The following ZYG11B variants were observed in gnomAD, a reference collection of about 807,000 sequenced individuals.
ZYG11B encodes protein zyg-11 homolog B.
In ZYG11B, 36 loss-of-function variants were observed where a neutral mutation model predicts 82.4. That is an observed-to-expected ratio of 0.44 (90% confidence interval 0.33 to 0.58). ZYG11B has a LOEUF of 0.58. ZYG11B is among the 20% of genes least tolerant of loss of function. The probability of loss-of-function intolerance (pLI) is 0.02; values close to 1 mark genes in which losing one functional copy is unlikely to be tolerated. For synonymous variants in ZYG11B, 303 were observed against 312.8 expected, an observed-to-expected ratio of 0.97 and a Z score of 0.33; for missense variants, 552 against 895.6, an observed-to-expected ratio of 0.62 and a Z score of 4.90.
Position 52,776,229 on chromosome 1 carries a change from A to AAAAAAAAAAAAAAAAATATATATATAT in ZYG11B, c.952-3623_952-3622insAAAAAAAAAAAAAAATATATATATATA. Among the ~76,000 whole-genome samples, 89 of 23,462 alleles carry AAAAAAAAAAAAAAAAATATATATATAT rather than the reference A, an allele frequency of 3.8e-3. 1 individual carries two copies. The highest frequency in any genetic ancestry group is 8.3e-3 in the African/African-American group (87 of 10,474). The allele number at this position is 23,462 out of a possible 152,430, so 15.4% of individuals were successfully genotyped here. ...AGCAAAACTCTGTCTTAAAAAAAAA[A>AAAAAAAAAAAAAAAAATATATATATAT]ATATATATATATATATGCAATAAAG... On this transcript the variant is annotated intron_variant, in intron 3 of 13. Coordinates refer to ENST00000294353, the MANE Select transcript of ZYG11B (RefSeq NM_024646.3).
intron 5 of ZYG11B, among the ~76,000 whole-genome samples, chr1:52,785,941 C>G (rs889739471): frequency 2.6e-5 from 4 of 152,002 alleles, no homozygotes; most frequent in East Asian, 1.9e-4. Flanking sequence ...TCTGGAAGCC[C>G]GTCAGACAGA....
At chr1:52,772,734 G>A (rs1466481314) in intron 3 of ZYG11B, 1 of 649,506 alleles carries the variant, frequency 1.5e-6, no homozygotes. Context: ...CTGGAGTGCA[G>A]TGGCGCTATC....
intron 1 of ZYG11B, among the ~76,000 whole-genome samples, chr1:52,737,778 A>G (rs752005364): frequency 3.3e-5 from 5 of 152,230 alleles, no homozygotes; most frequent in Non-Finnish European, 5.9e-5. Flanking sequence ...AAACACAACA[A>G]TACTGAGCAG....
rs1389330895 is a variant in ZYG11B at position 52,726,546 on chromosome 1, GC to G, written c.-106del. ...TTGAGGGAAAGAGGCCGAGGCCTGG[GC>G]CAAGCCCGGAGCCGCCGCTCGCCGG... On this transcript the variant is annotated 5_prime_UTR_variant, in exon 1 of 14. Coordinates refer to ENST00000294353, the MANE Select transcript of ZYG11B (RefSeq NM_024646.3). The G allele has an allele frequency of 8.7e-7, 1 of 1,144,242 alleles. No individual in the cohort carries two copies. Among genetic ancestry groups the G allele is most frequent in the Non-Finnish European group, 1.1e-6 (1 of 883,120 alleles). The allele number at this position is 1,144,242 out of a possible 1,614,324, so 70.9% of individuals were successfully genotyped here. A position where few individuals can be genotyped will look rare whatever the true frequency, so the allele number is the denominator to read the frequency against.
chr1:52,759,409 C>G (rs1241540508), intron 2 of ZYG11B, among the ~76,000 whole-genome samples: 2 of 152,172 alleles, frequency 1.3e-5, no homozygotes, highest in Non-Finnish European at 2.9e-5. Context: ...ATAGCGAATG[C>G]TTTATATGGA....
chr1:52,819,066 C>T (rs974657666), intron 13 of ZYG11B, among the ~76,000 whole-genome samples: 2 of 152,146 alleles, frequency 1.3e-5, no homozygotes, highest in African/African-American at 2.4e-5. Context: ...CATGAGCCAC[C>T]GCACCCAGCT....
At chr1:52,765,147 A>G (rs1283589338) in intron 2 of ZYG11B, among the ~76,000 whole-genome samples, 2 of 151,546 alleles carry the variant, frequency 1.3e-5, no homozygotes, top group African/African-American at 4.9e-5. Context: ...TTGGCCTCCC[A>G]AAGTGCTAGG....
chr1:52,820,006 CCA>C (rs1645269782), intron 13 of ZYG11B, among the ~76,000 whole-genome samples: 3 of 151,058 alleles, frequency 2.0e-5, no homozygotes, highest in Non-Finnish European at 1.5e-5. Flanking sequence ...GCTCCGCCTC[CCA>C]CTTCACGCCA....
intron 2 of ZYG11B, among the ~76,000 whole-genome samples, chr1:52,762,219 T>C (rs542084710): frequency 6.6e-5 from 10 of 151,664 alleles, no homozygotes; most frequent in Admixed American, 6.6e-4. Context: ...GTGCTTTTTT[T>C]TTTTTTTTTG....
At chr1:52,741,053 T>G (rs908259213) in intron 1 of ZYG11B, among the ~76,000 whole-genome samples, 4 of 151,550 alleles carry the variant, frequency 2.6e-5, no homozygotes, top group Non-Finnish European at 5.9e-5. Flanking sequence ...ATCCCAGCAC[T>G]TTGGGAGGCC....
chr1:52,813,923 T>C lies in ZYG11B; in HGVS notation c.1946+11T>C. On this transcript the variant is annotated intron_variant, in intron 12 of 13. Coordinates refer to ENST00000294353, the MANE Select transcript of ZYG11B (RefSeq NM_024646.3). ...GATGGTAGCATACAGGTAATTAGTA[T>C]CATAATTAACAGTAAACCAGCAACC... 9.9e-6 allele frequency: 16 copies of C among 1,613,536 alleles called. No homozygotes were observed. The highest frequency in any genetic ancestry group is 1.4e-5 in the Non-Finnish European group (16 of 1,179,790).
intron 2 of ZYG11B, among the ~76,000 whole-genome samples, chr1:52,757,345 A>G (rs1004846711): frequency 1.3e-5 from 2 of 151,946 alleles, no homozygotes; most frequent in Non-Finnish European, 2.9e-5. Context: ...AATAACTCCT[A>G]TAACTTGTAT....
In ZYG11B at chr1:52,726,551, G is replaced by C; in HGVS notation, c.-103G>C. 8.4e-7 allele frequency: 1 copy of C among 1,194,784 alleles called. No homozygotes were observed. The highest frequency in any genetic ancestry group is 1.1e-6 in the Non-Finnish European group (1 of 927,492). The allele number at this position is 1,194,784 out of a possible 1,614,324, so 74.0% of individuals were successfully genotyped here. A position where few individuals can be genotyped will look rare whatever the true frequency, so the allele number is the denominator to read the frequency against. On this transcript the variant is annotated 5_prime_UTR_variant, in exon 1 of 14. Transcript: ENST00000294353. Reference sequence around the variant, plus strand: ...GGAAAGAGGCCGAGGCCTGGGCCAAGCCCGGAGCCGCCGCTCGCCGGAGCC... The same window carrying C: ...GGAAAGAGGCCGAGGCCTGGGCCAACCCCGGAGCCGCCGCTCGCCGGAGCC...
At chr1:52,762,023 T>C (rs1289224556) in intron 2 of ZYG11B, among the ~76,000 whole-genome samples, 1 of 152,186 alleles carries the variant, frequency 6.6e-6, no homozygotes, top group East Asian at 1.9e-4. Flanking sequence ...TGTTTAGTTT[T>C]CTGTTGAGCT....
At chr1:52,749,590 G>A (rs1007073400) in intron 1 of ZYG11B, among the ~76,000 whole-genome samples, 5 of 152,146 alleles carry the variant, frequency 3.3e-5, no homozygotes, top group Non-Finnish European at 7.4e-5. Flanking sequence ...TGATCTTGTG[G>A]GGTTTATTTT....
chr1:52,802,183 T>A (rs1262229129), intron 10 of ZYG11B, 44 bp downstream of exon 10: 1 of 1,579,382 alleles, frequency 6.3e-7, no homozygotes, highest in Non-Finnish European at 8.6e-7. Context: ...CTATATTTAT[T>A]TTCTGTCTGA....
At chr1:52,786,593 A>AAAAAAATTAACCTGGCATGGTGCACAC (rs1433416721) in intron 5 of ZYG11B, among the ~76,000 whole-genome samples, 2 of 152,198 alleles carry the variant, frequency 1.3e-5, no homozygotes, top group East Asian at 1.9e-4. Context: ...TACAGATAAT[A>AAAAAAATTAACCTGGCATGGTGCACAC]AAAAAATTAA....
chr1:52,807,868 T>G (rs1171958205), intron 10 of ZYG11B, among the ~76,000 whole-genome samples: 1 of 151,194 alleles, frequency 6.6e-6, no homozygotes, highest in Non-Finnish European at 1.5e-5. Flanking sequence ...TTCTTCAGCT[T>G]TTGTCTGACT....
chr1:52,743,402 TAA>T lies in ZYG11B; in HGVS notation c.31-13035_31-13034del, dbSNP rs71044414. Reference sequence around the variant, plus strand: ...ACACCCAAGAATGATCAATAAATACTAAAAAAAAAAAAAAAAAAAAAAGTAAA... The same window carrying T: ...ACACCCAAGAATGATCAATAAATACTAAAAAAAAAAAAAAAAAAAAGTAAA... On this transcript the variant is annotated intron_variant, in intron 1 of 13. Coordinates refer to ENST00000294353, the MANE Select transcript of ZYG11B (RefSeq NM_024646.3). 5.5e-4 allele frequency among the ~76,000 whole-genome samples: 38 copies of T among 69,116 alleles called. 1 individual carries two copies. The highest frequency in any genetic ancestry group is 2.8e-3 in the South Asian group (5 of 1,764). The allele number at this position is 69,116 out of a possible 152,430, so 45.3% of individuals were successfully genotyped here.
Sources: gnomAD v4.1 joint callset for allele counts (sites outside exome capture counted in the v4.1 genomes callset) on GRCh38, gnomAD v4.1.1 for gene constraint, MANE v1.5 for transcripts, NCBI Gene and HGNC (gene_info 2026-07-23, HGNC 2026-07-21) for gene names.